ST18: variants seen among roughly 807,000 people sequenced by gnomAD.
ST18 encodes the protein ST18 C2H2C-type zinc finger transcription factor.
Under a neutral mutation model 110.0 loss-of-function variants are expected in ST18, and 50 were observed. The ratio of observed to expected loss-of-function variants is 0.45; its 90% CI spans 0.36 to 0.58. The LOEUF (loss-of-function observed/expected upper bound fraction) is 0.58, where lower values mean the gene tolerates loss of function less well. Among genes scored for constraint, ST18 ranks in the 20% least tolerant of loss-of-function variants. The pLI is 0.00. For missense variants in ST18, 1,306 were observed against 1,280.1 expected (o/e 1.02, Z -0.31); for synonymous variants, 461 against 452.4 (o/e 1.02, Z -0.24).
rs563437746 is a variant in ST18 at position 52,282,897 on chromosome 8, C to G, written c.-464-52820G>C. Among the ~76,000 whole-genome samples the G allele has an allele frequency of 2.0e-5, 3 of 152,072 alleles. No individual in the cohort carries two copies. In the East Asian group the frequency reaches 5.8e-4, roughly 29 times the overall value. ...GAATTGGCTTTCTCACCCAAGAGAA[C>G]GGAAGGGTTTGGGCAGAAGAGTGGC... On this transcript the variant is annotated intron_variant, in intron 2 of 25. Transcript: ENST00000689386.
intron 2 of ST18, among the ~76,000 whole-genome samples, chr8:52,374,921 CT>C (rs1252626744): frequency 6.6e-6 from 1 of 152,136 alleles, no homozygotes; most frequent in Non-Finnish European, 1.5e-5. Flanking sequence ...ATCTGTGGTA[CT>C]TTGTTATGGC....
chr8:52,261,495 T>C (rs552637335), intron 2 of ST18, among the ~76,000 whole-genome samples: 4 of 152,358 alleles, frequency 2.6e-5, no homozygotes, highest in African/African-American at 9.6e-5. Context: ...GCTTGTTCTA[T>C]GTTAACTTCA....
chr8:52,128,580 G>GAT (rs1380082083), intron 22 of ST18, among the ~76,000 whole-genome samples: 6 of 152,082 alleles, frequency 3.9e-5, no homozygotes. Context: ...ATATAATATG[G>GAT]ATATAGTGTG....
intron 3 of ST18, among the ~76,000 whole-genome samples, chr8:52,225,367 T>C (rs2088934620): frequency 6.6e-6 from 1 of 152,254 alleles, no homozygotes; most frequent in Non-Finnish European, 1.5e-5. Context: ...GTAAACATTA[T>C]AAACATATTC....
At chr8:52,295,185 T>A (rs895537369) in intron 2 of ST18, among the ~76,000 whole-genome samples, 3 of 152,196 alleles carry the variant, frequency 2.0e-5, no homozygotes, top group Non-Finnish European at 4.4e-5. Context: ...TGTATGCTAA[T>A]CACGAGAAGC....
At chr8:52,310,652 G>A (rs1006398605) in intron 2 of ST18, among the ~76,000 whole-genome samples, 7 of 152,090 alleles carry the variant, frequency 4.6e-5, no homozygotes, top group African/African-American at 1.7e-4. Flanking sequence ...GATCATGAAT[G>A]GCTCCTATTC....
At chr8:52,258,573 C>T (rs1294520357) in intron 2 of ST18, among the ~76,000 whole-genome samples, 3 of 152,110 alleles carry the variant, frequency 2.0e-5, no homozygotes, top group Non-Finnish European at 4.4e-5. Flanking sequence ...TTATATCTTG[C>T]AGCCTTGCTA....
At chr8:52,239,526 G>A (rs1002162586) in intron 2 of ST18, among the ~76,000 whole-genome samples, 1 of 152,072 alleles carries the variant, frequency 6.6e-6, no homozygotes, top group Non-Finnish European at 1.5e-5. Flanking sequence ...ATGAGAAGAT[G>A]AGCCTAGATA....
At chr8:52,296,948 A>T (rs1589703662) in intron 2 of ST18, among the ~76,000 whole-genome samples, 1 of 152,214 alleles carries the variant, frequency 6.6e-6, no homozygotes, top group African/African-American at 2.4e-5. Flanking sequence ...AGGTATAATT[A>T]AAAAACCATA....
intron 2 of ST18, chr8:52,246,517 A>G (rs879698731): frequency 2.0e-5 from 3 of 152,126 alleles, no homozygotes; most frequent in Non-Finnish European, 4.4e-5. Context: ...AGCTACTAAT[A>G]AAACTCTGCA....
intron 2 of ST18, among the ~76,000 whole-genome samples, chr8:52,270,118 G>A (rs2095024912): frequency 1.3e-5 from 2 of 152,010 alleles, no homozygotes; most frequent in Non-Finnish European, 2.9e-5. Flanking sequence ...ACAATAATTT[G>A]TTTTATTTTC....
intron 2 of ST18, among the ~76,000 whole-genome samples, chr8:52,347,556 A>G (rs999939743): frequency 2.0e-5 from 3 of 152,226 alleles, no homozygotes; most frequent in African/African-American, 7.2e-5. Flanking sequence ...GATAGAATAA[A>G]GGTGATTTTT....
intron 2 of ST18, among the ~76,000 whole-genome samples, chr8:52,400,865 T>C (rs1177447617): frequency 6.6e-6 from 1 of 152,140 alleles, no homozygotes; most frequent in African/African-American, 2.4e-5. Flanking sequence ...ACGCCACCAC[T>C]ACAGTAATTA....
chr8:52,355,683 G>A (rs530820421), intron 2 of ST18, among the ~76,000 whole-genome samples: 32 of 152,286 alleles, frequency 2.1e-4, no homozygotes, highest in South Asian at 1.4e-3. Context: ...AAAAGATACC[G>A]TGTCATCTTA....
chr8:52,141,661 C>G (rs140685341), intron 17 of ST18, among the ~76,000 whole-genome samples: 3 of 152,082 alleles, frequency 2.0e-5, no homozygotes, highest in African/African-American at 7.2e-5. Context: ...AGAAGAGCTG[C>G]GCTGAGGGAG....
intron 2 of ST18, among the ~76,000 whole-genome samples, chr8:52,322,659 T>C (rs1804497924): frequency 6.6e-6 from 1 of 152,202 alleles, no homozygotes; most frequent in Non-Finnish European, 1.5e-5. Context: ...CATGAAGCTG[T>C]GTCTTGCTCC....
intron 8 of ST18, among the ~76,000 whole-genome samples, chr8:52,185,935 A>AGAGC (rs1346583720): frequency 3.3e-5 from 5 of 152,236 alleles, no homozygotes; most frequent in African/African-American, 1.2e-4. Flanking sequence ...CTGACAAATC[A>AGAGC]GAGCACATTA....
At chr8:52,398,286 C>T (rs1841838816) in intron 2 of ST18, among the ~76,000 whole-genome samples, 1 of 152,108 alleles carries the variant, frequency 6.6e-6, no homozygotes, top group South Asian at 2.1e-4. Flanking sequence ...TACAAATGTA[C>T]TGAATTCATT....
intron 2 of ST18, among the ~76,000 whole-genome samples, chr8:52,234,719 A>G (rs1208242203): frequency 7.1e-6 from 1 of 140,466 alleles, no homozygotes; most frequent in African/African-American, 2.8e-5. Context: ...AAGTGGATAA[A>G]GAAACTATGG....
Sources: gnomAD v4.1 joint callset for allele counts (sites outside exome capture counted in the v4.1 genomes callset) on GRCh38, gnomAD v4.1.1 for gene constraint, MANE v1.5 for transcripts, NCBI Gene and HGNC (gene_info 2026-07-23, HGNC 2026-07-21) for gene names.